Variants in ACIN1 observed in about 807,000 individuals in gnomAD.
The protein encoded by ACIN1 is apoptotic chromatin condensation inducer 1.
Under a neutral mutation model 146.6 loss-of-function variants are expected in ACIN1, and 16 were observed. The ratio of observed to expected loss-of-function variants is 0.11; its 90% CI spans 0.07 to 0.17. ACIN1 has a LOEUF of 0.17. ACIN1 is among the 10% of genes least tolerant of loss of function. The probability of loss-of-function intolerance (pLI) is 1.00; values close to 1 mark genes in which losing one functional copy is unlikely to be tolerated. For synonymous variants in ACIN1, 569 were observed against 582.7 expected, an observed-to-expected ratio of 0.98 and a Z score of 0.34; for missense variants, 1,357 against 1,609.3, an observed-to-expected ratio of 0.84 and a Z score of 2.68.
At chr14:23,072,460 G>C (rs182066720) in intron 8 of ACIN1, among the ~76,000 whole-genome samples, 1 of 152,186 alleles carries the variant, frequency 6.6e-6, no homozygotes, top group Non-Finnish European at 1.5e-5. Flanking sequence ...GGGCGGGGAA[G>C]ATCAGCTGGG....
chr14:23,081,192 T>C (rs963499099), intron 5 of ACIN1, among the ~76,000 whole-genome samples: 2 of 152,182 alleles, frequency 1.3e-5, no homozygotes, highest in Admixed American at 1.3e-4. Flanking sequence ...TTTTTGTTCT[T>C]TCCTCTAATC....
chr14:23,085,835 T>C (rs749938629), intron 4 of ACIN1, among the ~76,000 whole-genome samples: 5 of 152,166 alleles, frequency 3.3e-5, no homozygotes, highest in Admixed American at 6.5e-5. Flanking sequence ...AGGGTGGAGC[T>C]GATACTGATA....
chr14:23,071,317 G>A, intron 8 of ACIN1: 1 of 1,508,962 alleles, frequency 6.6e-7, no homozygotes, highest in Non-Finnish European at 8.9e-7. Context: ...AGAGAAAATT[G>A]AGATGTAGCA....
intron 16 of ACIN1, 93 bp from the exon 17 acceptor site, chr14:23,061,715 T>C: frequency 1.7e-6 from 2 of 1,189,022 alleles, no homozygotes; most frequent in Admixed American, 2.8e-5. Context: ...GGCTCACGCC[T>C]GTAATCCCAG....
At chr14:23,061,850 TG>T (rs1404913583) in intron 16 of ACIN1, among the ~76,000 whole-genome samples, 15 of 151,620 alleles carry the variant, frequency 9.9e-5, no homozygotes, top group Admixed American at 7.9e-4. Context: ...GGCGGGCGCC[TG>T]TAGTCCCAGC....
At chr14:23,061,275 G>T in intron 17 of ACIN1, 23 bp downstream of exon 17, 1 of 1,613,456 alleles carries the variant, frequency 6.2e-7, no homozygotes, top group Non-Finnish European at 8.5e-7. Context: ...GTGGGTATGC[G>T]TACCCCATAG....
chr14:23,064,905 A>AAAAAAG (rs1033491124), intron 10 of ACIN1, among the ~76,000 whole-genome samples: 6 of 151,870 alleles, frequency 4.0e-5, no homozygotes, highest in African/African-American at 1.2e-4. Context: ...TCAAAAAAAA[A>AAAAAAG]AAAAGAAAAG....
At chr14:23,059,956 G>GTTTTTTTTTTTTTTTTTTTTTTTTTTTT (rs397830741) in intron 18 of ACIN1, among the ~76,000 whole-genome samples, 3 of 100,150 alleles carry the variant, frequency 3.0e-5, no homozygotes, top group African/African-American at 1.2e-4. Flanking sequence ...CGCCCCGCCA[G>GTTTTTTTTTTTTTTTTTTTTTTTTTTTT]TTTTTTTTTT....
chr14:23,090,435 G>A, intron 3 of ACIN1, 87 bp downstream of exon 3: 2 of 1,197,194 alleles, frequency 1.7e-6, no homozygotes, highest in South Asian at 2.7e-5. Context: ...ACTTATTTCT[G>A]AAATTGTCTA....
intron 8 of ACIN1, chr14:23,071,277 C>T: frequency 2.0e-6 from 3 of 1,501,578 alleles, no homozygotes; most frequent in South Asian, 2.7e-5. Context: ...CAAGATCCCA[C>T]CACCTCCTCC....
intron 16 of ACIN1, 33 bp downstream of exon 16, chr14:23,062,135 C>G: frequency 8.8e-5 from 131 of 1,486,964 alleles, no homozygotes; most frequent in Non-Finnish European, 1.2e-4. Context: ...CTTCCCCTGC[C>G]CCTCCTCTCT....
chr14:23,077,540 TAATA>T (rs1245581279), intron 8 of ACIN1, among the ~76,000 whole-genome samples: 1 of 152,220 alleles, frequency 6.6e-6, no homozygotes, highest in Admixed American at 6.5e-5. Context: ...CTCTAGGACT[TAATA>T]TAAAGATTTT....
rs1211126568 is a variant in ACIN1, at chr14:23,079,921, G to A, written c.1414C>T (p.Pro472Ser). ...PESDRSAQPL[P>S]LKIEELALAK... is the part of the protein sequence containing the mutation. The stretch of plus-strand genomic sequence containing the variant: ...AGTGCTAATTCCTCAATTTTTAGAG[G>A]GAGGGGCTGAGCAGATCTGTCTGAC... Residue 472 changes from proline to serine, a missense_variant, in exon 6 of 19, where the codon CCT becomes TCT. Physicochemically the swap from Pro to Ser is moderately conservative, Grantham distance 74. Transcript: ENST00000605057. 4.3e-6 allele frequency: 7 copies of A among 1,614,002 alleles called. No homozygotes were observed. The highest frequency in any genetic ancestry group is 5.9e-6 in the Non-Finnish European group (7 of 1,180,036).
chr14:23,069,731 G>A (rs2047572230), intron 8 of ACIN1, 114 bp from the exon 9 acceptor site: 1 of 920,574 alleles, frequency 1.1e-6, no homozygotes, highest in East Asian at 2.7e-5. Context: ...CACTTGGGTG[G>A]GATTAGGAGG....
At position 23,080,699 on chromosome 14, in the gene ACIN1, C is replaced by G. The variant is rs751326963; in HGVS notation, c.636G>C (p.Glu212Asp). ...CCTCCTCCTCCTCCTCTTCTTCCTCCTCTGTTTTCAAATTTCGATCTGCTC... is the reference window on the plus strand; with the variant it reads ...CCTCCTCCTCCTCCTCTTCTTCCTCGTCTGTTTTCAAATTTCGATCTGCTC... ...RVRADRNLKTEEEEEEEEEEE... is the reference protein window; with the variant it reads ...RVRADRNLKTDEEEEEEEEEE... The change falls in exon 6 of 19, where the codon GAG becomes GAC. Residue 212 changes from glutamate (E) to aspartate (D), a missense_variant. Coordinates refer to ENST00000605057, the MANE Select transcript of ACIN1 (RefSeq NM_001386863.1). The G allele has an allele frequency of 1.4e-5, 22 of 1,613,874 alleles. No homozygotes were observed. The East Asian group carries it at 4.5e-4, about 33-fold the overall frequency.
At chr14:23,064,773 T>A in intron 10 of ACIN1, 1 of 301,776 alleles carries the variant, frequency 3.3e-6, no homozygotes, top group East Asian at 7.3e-5. Flanking sequence ...GGTGCATGCC[T>A]GTAATCCCAG....
chr14:23,094,940 T>C (rs1566762638), intron 1 of ACIN1, 35 bp downstream of exon 1: 7 of 1,554,260 alleles, frequency 4.5e-6, no homozygotes, highest in African/African-American at 2.7e-5. Flanking sequence ...CCGGGTCCGC[T>C]CTCCTCCGAC....
At chr14:23,085,564 T>C (rs1020254632) in intron 4 of ACIN1, among the ~76,000 whole-genome samples, 4 of 152,180 alleles carry the variant, frequency 2.6e-5, no homozygotes, top group African/African-American at 9.7e-5. Context: ...TCTGGAGAAA[T>C]GAACAGGGCT....
intron 8 of ACIN1, among the ~76,000 whole-genome samples, chr14:23,074,241 G>C (rs1331883980): frequency 6.6e-6 from 1 of 151,596 alleles, no homozygotes; most frequent in Non-Finnish European, 1.5e-5. Context: ...CAATTCTGTG[G>C]GACCCAACAA....
Sources: allele counts gnomAD v4.1 joint callset (sites outside exome capture counted in the v4.1 genomes callset), GRCh38; gene constraint gnomAD v4.1.1; transcripts MANE v1.5; gene names NCBI Gene and HGNC (gene_info 2026-07-23, HGNC 2026-07-21).